The following PLCXD1 variants were observed in gnomAD, a reference collection of about 807,000 sequenced individuals.
PLCXD1 encodes the protein PI-PLC X domain-containing protein 1.
In PLCXD1, 45 loss-of-function variants were observed where a neutral mutation model predicts 37.8. The observed-to-expected ratio is 1.19, with a 90% CI of 0.94 to 1.53. PLCXD1 has a LOEUF of 1.53. PLCXD1 is among the 40% of genes most tolerant of loss of function. PLCXD1 has a pLI of 0.00. For missense variants in PLCXD1, 539 were observed against 454.7 expected, an observed-to-expected ratio of 1.19 and a Z score of -1.69; for synonymous variants, 246 against 206.9, an observed-to-expected ratio of 1.19 and a Z score of -1.62.
rs749676412 is a variant in PLCXD1 at position 285,330 on chromosome X, A to G, written c.127+1016A>G. On this transcript the variant is annotated intron_variant, in intron 2 of 6. Transcript: ENST00000381657. ...TGCATGCACATGTGCGGGTGTGTAC[A>G]CATGCACATGCACACGTGTACACAT... 1.6e-4 allele frequency among the ~76,000 whole-genome samples: 24 copies of G among 147,668 alleles called. 1 individual carries two copies. The highest frequency in any genetic ancestry group is 6.1e-4 in the African/African-American group (23 of 37,456).
intron 6 of PLCXD1, among the ~76,000 whole-genome samples, chrX:295,856 TTGAGACA>T (rs1160263961): frequency 2.0e-5 from 3 of 151,656 alleles, no homozygotes; most frequent in Admixed American, 6.6e-5. Context: ...TGTTTGTTTT[TTGAGACA>T]GAGTTTTGCT....
At chrX:284,583 TGCACACAC>T (rs59021587) in intron 2 of PLCXD1, among the ~76,000 whole-genome samples, 45,266 of 123,768 alleles carry the variant, frequency 0.37, 7,033 homozygotes, top group South Asian at 0.54. Flanking sequence ...CAGGCATACA[TGCACACAC>T]GCACACACGC....
At chrX:287,501 CTATATATGTTTATATATAGATATAGAT>C (rs2069489437) in intron 2 of PLCXD1, among the ~76,000 whole-genome samples, 3 of 122,740 alleles carry the variant, frequency 2.4e-5, no homozygotes, top group African/African-American at 6.8e-5. Context: ...GATATAGATA[CTATATATGTTTATATATAGATATAGAT>C]ACTATATATG....
intron 1 of PLCXD1, among the ~76,000 whole-genome samples, chrX:282,333 G>C (rs546905301): frequency 1.1e-4 from 16 of 149,568 alleles, no homozygotes; most frequent in Admixed American, 2.7e-4. Flanking sequence ...AGTGAGCCGA[G>C]ATTGCATCAT....
intron 2 of PLCXD1, among the ~76,000 whole-genome samples, chrX:287,775 C>A (rs942408817): frequency 6.8e-6 from 1 of 148,114 alleles, no homozygotes; most frequent in African/African-American, 2.5e-5. Context: ...ATATTTATAT[C>A]TATATTTAAG....
chrX:285,544 C>G (rs751184699), intron 2 of PLCXD1, among the ~76,000 whole-genome samples: 6 of 85,530 alleles, frequency 7.0e-5, no homozygotes, highest in African/African-American at 3.1e-4. Context: ...TGCATGCACA[C>G]AGACATACAC....
chrX:290,559 A>T, intron 3 of PLCXD1, 89 bp from the exon 4 acceptor site: 1 of 1,425,240 alleles, frequency 7.0e-7, no homozygotes, highest in Non-Finnish European at 9.8e-7. Flanking sequence ...GCAGCAGGAC[A>T]TGCGGGTGGG....
chrX:293,574 A>G (rs1319364482), intron 6 of PLCXD1, among the ~76,000 whole-genome samples: 2 of 152,158 alleles, frequency 1.3e-5, no homozygotes. Context: ...GGCCTGACCA[A>G]TGTGATGAAA....
intron 3 of PLCXD1, among the ~76,000 whole-genome samples, chrX:289,660 C>G (rs774071994): frequency 5.3e-5 from 8 of 151,578 alleles, no homozygotes; most frequent in African/African-American, 1.9e-4. Context: ...TACAGGCTCC[C>G]GCGACCACGC....
chrX:288,738 C>T lies in PLCXD1; in HGVS notation c.133C>T (p.His45Tyr). The T allele has an allele frequency of 3.1e-6, 5 of 1,613,848 alleles. No homozygotes were observed. Among genetic ancestry groups the T allele is most frequent in the Non-Finnish European group, 4.2e-6 (5 of 1,179,790 alleles). The change falls in exon 3 of 7, where the codon CAC (histidine) becomes TAC (tyrosine). Residue 45 changes from histidine (H) to tyrosine (Y), a missense_variant. Coordinates refer to ENST00000381657, the MANE Select transcript of PLCXD1 (RefSeq NM_018390.4). ...CGTGTGTGCTTTGCTCTCAGGGAGCCACGACACGATGACGTACTGCCTGAA... is the reference window on the plus strand; with the variant it reads ...CGTGTGTGCTTTGCTCTCAGGGAGCTACGACACGATGACGTACTGCCTGAA... ...PLHHLSIPGS[H>Y]DTMTYCLNKK...
intron 3 of PLCXD1, 50 bp from the exon 4 acceptor site, chrX:290,598 C>G (rs760624345): frequency 1.2e-6 from 2 of 1,605,980 alleles, no homozygotes; most frequent in Non-Finnish European, 1.7e-6. Context: ...CCTGAGCCCC[C>G]CAGACGCGGC....
intron 2 of PLCXD1, among the ~76,000 whole-genome samples, chrX:287,074 A>T (rs1006379594): frequency 2.5e-4 from 38 of 152,212 alleles, no homozygotes; most frequent in Admixed American, 7.2e-4. Flanking sequence ...CTGTAATCCC[A>T]GCACTTTGGG....
upstream of PLCXD1, among the ~76,000 whole-genome samples, chrX:276,838 C>T (rs1394484172): frequency 6.6e-6 from 1 of 152,140 alleles, no homozygotes; most frequent in African/African-American, 2.4e-5. Context: ...CCTGTCCTTC[C>T]GTTGATTCAC....
intron 2 of PLCXD1, 121 bp downstream of exon 2, chrX:284,435 A>G (rs377359767): frequency 1.8e-6 from 2 of 1,115,948 alleles, no homozygotes; most frequent in Non-Finnish European, 2.6e-6. Context: ...TCCTGGGTGT[A>G]GGGAAATCCT....
upstream of PLCXD1, chrX:276,387 G>C (rs903479457): frequency 1.5e-4 from 23 of 152,476 alleles, no homozygotes; most frequent in African/African-American, 4.1e-4. Context: ...GATTCCAGCG[G>C]CTGGAAGGTG....
chrX:297,680 G>C lies in PLCXD1; in HGVS notation c.734-1417G>C, dbSNP rs1249896748. ...TATTCTGTCTATCACATGGGGATTA[G>C]GACGTGGACATCTTTGGGGACATTA... On this transcript the variant is annotated intron_variant, in intron 6 of 6. Coordinates refer to ENST00000381657, the MANE Select transcript of PLCXD1 (RefSeq NM_018390.4). Among the ~76,000 whole-genome samples, 13 of 39,460 alleles carry C rather than the reference G, an allele frequency of 3.3e-4. No homozygotes were observed. In the South Asian group the frequency reaches 6.9e-3, roughly 21 times the overall value. The allele number at this position is 39,460 out of a possible 152,430, so 25.9% of individuals were successfully genotyped here.
In PLCXD1 at chrX:300,207, C is replaced by T. The variant is rs1212814945; in HGVS notation, c.*872C>T. 1.3e-5 allele frequency: 2 copies of T among 151,964 alleles called. No homozygotes were observed. Among genetic ancestry groups the T allele is most frequent in the Non-Finnish European group, 2.9e-5 (2 of 68,014 alleles). 9.4% of individuals were successfully genotyped at this position (151,964 alleles called of 1,614,324 possible). A position where few individuals can be genotyped will look rare whatever the true frequency, so the allele number is the denominator to read the frequency against. ...CAGCCCATAATATGTTTTCTTATTT[C>T]TGTATTCTCCTTGCTGTGGCGTCTG... On this transcript the variant is annotated 3_prime_UTR_variant, in exon 7 of 7. Coordinates refer to ENST00000381657, the MANE Select transcript of PLCXD1 (RefSeq NM_018390.4).
chrX:279,838 A>G, upstream of PLCXD1, among the ~76,000 whole-genome samples: 1 of 151,872 alleles, frequency 6.6e-6, no homozygotes, highest in East Asian at 1.9e-4. Flanking sequence ...TTAAGATAAG[A>G]GGATGTGGAG....
chrX:290,753 G>A lies in PLCXD1; in HGVS notation c.370G>A (p.Val124Met). ...SEKNLHFVHMVYTTALVEDTL... is the reference protein window; with the variant it reads ...SEKNLHFVHMMYTTALVEDTL... ...GAAGAACCTGCACTTTGTCCATATG[G>A]TGTACACAACGGCGCTGGTGGAGGT... Residue 124 changes from valine (V) to methionine (M), a missense_variant, in exon 4 of 7, where the codon GTG (valine) becomes ATG (methionine). Physicochemically the swap from Val to Met is conservative, Grantham distance 21. Coordinates refer to ENST00000381657, the MANE Select transcript of PLCXD1 (RefSeq NM_018390.4). The A allele has an allele frequency of 6.2e-7, 1 of 1,613,762 alleles. No individual in the cohort carries two copies. The highest frequency in any genetic ancestry group is 8.5e-7 in the Non-Finnish European group (1 of 1,179,818).
Sources: gnomAD v4.1 joint callset for allele counts (sites outside exome capture counted in the v4.1 genomes callset) on GRCh38, gnomAD v4.1.1 for gene constraint, MANE v1.5 for transcripts, NCBI Gene and HGNC (gene_info 2026-07-23, HGNC 2026-07-21) for gene names.